The following DNAH10 variants were observed in gnomAD, a reference collection of about 807,000 sequenced individuals.
The protein encoded by DNAH10 is dynein axonemal heavy chain 10.
DNAH10 carries 348 observed loss-of-function variants against 506.6 expected under a neutral mutation model. The observed-to-expected ratio is 0.69, with a 90% CI of 0.63 to 0.75. The LOEUF is 0.75. Among genes scored for constraint, DNAH10 ranks in the 30% least tolerant of loss-of-function variants. DNAH10 has a pLI of 0.00. For missense variants in DNAH10, 5,179 were observed against 5,787.1 expected, an observed-to-expected ratio of 0.89 and a Z score of 3.41; for synonymous variants, 2,059 against 2,198.6, an observed-to-expected ratio of 0.94 and a Z score of 1.78.
At chr12:123,930,264 C>A in intron 72 of DNAH10, 138 bp from the exon 73 acceptor site, 1 of 777,442 alleles carries the variant, frequency 1.3e-6, no homozygotes, top group Non-Finnish European at 1.9e-6. Context: ...AAAGGTTATG[C>A]AAGTCAACAG....
chr12:123,788,924 CAA>C (rs1200548876), intron 10 of DNAH10, among the ~76,000 whole-genome samples: 101 of 66,510 alleles, frequency 1.5e-3, no homozygotes, highest in Admixed American at 1.6e-3. Flanking sequence ...GACCTTGCTT[CAA>C]AAAAAAAAAA....
At chr12:123,783,795 A>G (rs1957750287) in intron 7 of DNAH10, 152 bp from the exon 8 acceptor site, 1 of 659,258 alleles carries the variant, frequency 1.5e-6, no homozygotes, top group African/African-American at 1.8e-5. Context: ...GAGATTCACT[A>G]TGATTGGACC....
At chr12:123,819,726 A>G (rs1196360301) in intron 23 of DNAH10, among the ~76,000 whole-genome samples, 1 of 128,462 alleles carries the variant, frequency 7.8e-6, no homozygotes, top group Non-Finnish European at 1.6e-5. Context: ...TTTTTTTGAG[A>G]CAGAGTCTCG....
At chr12:123,840,698 C>T (rs1950743681) in intron 29 of DNAH10, among the ~76,000 whole-genome samples, 1 of 152,154 alleles carries the variant, frequency 6.6e-6, no homozygotes, top group Non-Finnish European at 1.5e-5. Context: ...TGTTGCCTTC[C>T]TCTCCTCTCT....
intron 21 of DNAH10, among the ~76,000 whole-genome samples, chr12:123,816,549 C>T (rs976708868): frequency 3.3e-5 from 5 of 152,154 alleles, no homozygotes; most frequent in African/African-American, 7.2e-5. Context: ...TTAGCTTATG[C>T]GTCTCTTTCG....
Position 123,804,872 on chromosome 12 carries a change from C to T in DNAH10, c.2819C>T (p.Ala940Val). The T allele has an allele frequency of 6.2e-7, 1 of 1,612,872 alleles. No homozygotes were observed. The highest frequency in any genetic ancestry group is 8.5e-7 in the Non-Finnish European group (1 of 1,179,940). ...TTTGAACACATTGAGCGAGAAAGGG[C>T]CAGCGACGTGGACCACATGGTCCGG... ...EFFEHIERER[A>V]SDVDHMVRWY... The change falls in exon 18 of 79, where the codon GCC (alanine) becomes GTC (valine). Residue 940 changes from alanine (A) to valine (V), a missense_variant. Ala to Val is a moderately conservative substitution (Grantham distance 64). Transcript: ENST00000673944.
In DNAH10 at chr12:123,887,124, T is replaced by C. The variant is rs1051295820; in HGVS notation, c.8824-18T>C. 1.3e-6 allele frequency: 2 copies of C among 1,591,064 alleles called. No individual in the cohort carries two copies. Among genetic ancestry groups the C allele is most frequent in the Non-Finnish European group, 1.7e-6 (2 of 1,168,912 alleles). ...GCTGGTGGTGGTGACGCCCATGTGCTCTGTGTCTGCATCGCAGGTGTTTGA... is the reference window on the plus strand; with the variant it reads ...GCTGGTGGTGGTGACGCCCATGTGCCCTGTGTCTGCATCGCAGGTGTTTGA... On this transcript the variant is annotated intron_variant, in intron 51 of 78. Coordinates refer to ENST00000673944, the MANE Select transcript of DNAH10 (RefSeq NM_001372106.1).
intron 36 of DNAH10, among the ~76,000 whole-genome samples, chr12:123,856,788 G>A (rs1338362385): frequency 1.4e-5 from 2 of 145,564 alleles, no homozygotes; most frequent in African/African-American, 5.0e-5. Context: ...TATAATTTCT[G>A]TATATAAAAA....
chr12:123,908,147 CCTCCCTGT>C lies in DNAH10; in HGVS notation c.9816-1101_9816-1094del, dbSNP rs1427554543. ...CTGTCTCCTCCCTGTCTCTCTGTCT[CCTCCCTGT>C]CTCCCTGTCTCCTCCCTGTCTCTCT... On this transcript the variant is annotated intron_variant, in intron 57 of 78. Coordinates refer to ENST00000673944, the MANE Select transcript of DNAH10 (RefSeq NM_001372106.1). Among the ~76,000 whole-genome samples the C allele has an allele frequency of 6.8e-5, 10 of 146,850 alleles. No homozygotes were observed. The South Asian group carries it at 1.7e-3, about 25-fold the overall frequency.
At chr12:123,857,963 T>G (rs989107150) in intron 37 of DNAH10, among the ~76,000 whole-genome samples, 1 of 152,228 alleles carries the variant, frequency 6.6e-6, no homozygotes, top group African/African-American at 2.4e-5. Context: ...CATGTAATTT[T>G]TGTCCTTTTG....
chr12:123,770,203 G>A (rs910770138), intron 2 of DNAH10, among the ~76,000 whole-genome samples: 4 of 152,020 alleles, frequency 2.6e-5, no homozygotes, highest in East Asian at 1.9e-4. Context: ...AGCCAAGATC[G>A]TGACACTGCA....
intron 25 of DNAH10, 119 bp downstream of exon 25, chr12:123,827,017 C>T (rs1960065155): frequency 1.2e-6 from 1 of 854,474 alleles, no homozygotes; most frequent in African/African-American, 1.7e-5. Flanking sequence ...AACAATGCCG[C>T]AGGGCTATAC....
At chr12:123,931,179 C>T (rs1955188397) in intron 73 of DNAH10, among the ~76,000 whole-genome samples, 162 bp from the exon 74 acceptor site, 1 of 151,872 alleles carries the variant, frequency 6.6e-6, no homozygotes, top group Non-Finnish European at 1.5e-5. Flanking sequence ...CATGTCAGTG[C>T]ACTTCAGCCT....
intron 52 of DNAH10, among the ~76,000 whole-genome samples, chr12:123,891,199 G>A (rs947898580): frequency 8.5e-5 from 13 of 152,088 alleles, no homozygotes; most frequent in African/African-American, 2.4e-4. Flanking sequence ...TCGTTGTCAC[G>A]TGGCCTTCCC....
At chr12:123,821,010 G>A (rs1959343108) in intron 24 of DNAH10, among the ~76,000 whole-genome samples, 1 of 152,216 alleles carries the variant, frequency 6.6e-6, no homozygotes, top group Admixed American at 6.5e-5. Flanking sequence ...AGCACTTTGG[G>A]AGGCCAAGGC....
At position 123,856,397 on chromosome 12, in the gene DNAH10, C is replaced by T. The variant is rs112298237; in HGVS notation, c.6439-659C>T. Among the ~76,000 whole-genome samples, 57 of 150,630 alleles carry T rather than the reference C, an allele frequency of 3.8e-4. 1 individual carries two copies. Among genetic ancestry groups the T allele is most frequent in the Middle Eastern group, 3.4e-3 (1 of 290 alleles). On this transcript the variant is annotated intron_variant, in intron 36 of 78. Transcript: ENST00000673944. Reference sequence around the variant, plus strand: ...TCTTGTCACGCCAGGAGTACGATGGCGCAATCTCAGTTCACTGCAACCTCC... The same window carrying T: ...TCTTGTCACGCCAGGAGTACGATGGTGCAATCTCAGTTCACTGCAACCTCC...
At chr12:123,772,809 A>T (rs766621671) in intron 3 of DNAH10, 25 bp from the exon 4 acceptor site, 17 of 1,545,270 alleles carry the variant, frequency 1.1e-5, no homozygotes, top group Non-Finnish European at 1.5e-5. Flanking sequence ...ACAAGAATGA[A>T]TGGTTTTTGT....
In DNAH10 at chr12:123,846,283, T is replaced by C; in HGVS notation, c.5814+129T>C. On this transcript the variant is annotated intron_variant, in intron 32 of 78. Transcript: ENST00000673944. This position sits in a 1 kb window ranked among gnomAD's most constrained non-coding sequence, Gnocchi z 4.5. ...TCATTGCTTTGAAATCTCGAAAAGC[T>C]TTTCCATTTGGGATGTGACCAGATT... 1 of 1,255,054 alleles carries C rather than the reference T, an allele frequency of 8.0e-7. No homozygotes were observed. The highest frequency in any genetic ancestry group is 1.5e-5 in the African/African-American group (1 of 66,134). 77.7% of individuals were successfully genotyped at this position (1,255,054 alleles called of 1,614,324 possible). A position where few individuals can be genotyped will look rare whatever the true frequency, so the allele number is the denominator to read the frequency against.
intron 18 of DNAH10, among the ~76,000 whole-genome samples, chr12:123,807,872 A>AGGTGGGGTG (rs1958748757): frequency 7.4e-5 from 1 of 13,542 alleles, no homozygotes; most frequent in African/African-American, 2.6e-4. Flanking sequence ...GGGAGAGAGA[A>AGGTGGGGTG]ACAGGAAGAG....
Sources: allele counts gnomAD v4.1 joint callset (sites outside exome capture counted in the v4.1 genomes callset), GRCh38; gene constraint gnomAD v4.1.1; non-coding constraint Gnocchi (gnomAD v3.1); transcripts MANE v1.5; gene names NCBI Gene and HGNC (gene_info 2026-07-23, HGNC 2026-07-21).